Variants in F13A1 observed in about 807,000 individuals in gnomAD.
The protein encoded by F13A1 is FSF, A subunit.
F13A1 carries 47 observed loss-of-function variants against 80.1 expected under a neutral mutation model. That is an observed-to-expected ratio of 0.59 (90% CI 0.46 to 0.75). F13A1 has a LOEUF of 0.75. Ranked by LOEUF, F13A1 falls within the 30% of genes least tolerant of loss-of-function variation. F13A1 has a pLI of 0.00. For missense variants in F13A1, 817 were observed against 930.4 expected, an observed-to-expected ratio of 0.88 and a Z score of 1.59; for synonymous variants, 349 against 344.9, an observed-to-expected ratio of 1.01 and a Z score of -0.13.
chr6:6,145,645 G>A lies in F13A1; in HGVS notation c.2173C>T (p.Gln725Ter). 1 of 1,614,132 alleles carries A rather than the reference G, an allele frequency of 6.2e-7. No individual in the cohort carries two copies. Among genetic ancestry groups the A allele is most frequent in the Non-Finnish European group, 8.5e-7 (1 of 1,180,002 alleles). Reference protein sequence around the residue: ...LRHVYGELDVQIQRRPSM With the variant: ...LRHVYGELDV ...CACATGGAAGGTCGTCTTTGAATCT[G>A]CACGTCCAGCTCGCCATACACATGT... Residue 725 changes from glutamine to a stop codon, truncating the protein, a stop_gained, in exon 15 of 15, where the codon CAG (glutamine) becomes TAG (stop). Coordinates refer to ENST00000264870, the MANE Select transcript of F13A1 (RefSeq NM_000129.4). LOFTEE classifies it high-confidence loss of function.
chr6:6,151,940 T>C lies in F13A1; in HGVS notation c.1918A>G (p.Thr640Ala), dbSNP rs1413856832. Residue 640 changes from threonine (T) to alanine (A), a missense_variant, in exon 14 of 15, where the codon ACT becomes GCT. Physicochemically the swap from Thr to Ala is moderately conservative, Grantham distance 58. Transcript: ENST00000264870. ...GTCATGTCAGAACCAACTACCTGAG[T>C]GCCACGGACCTAAGAGAGAGAATGC... Reference protein sequence around the residue: ...IPEIIIKVRGTQVVGSDMTVT... With the variant: ...IPEIIIKVRGAQVVGSDMTVT... 1 of 1,614,000 alleles carries C rather than the reference T, an allele frequency of 6.2e-7. No homozygotes were observed. The highest frequency in any genetic ancestry group is 1.7e-5 in the Admixed American group (1 of 59,988).
At chr6:6,195,621 A>C (rs188113391) in intron 10 of F13A1, among the ~76,000 whole-genome samples, 176 bp downstream of exon 10, 32 of 152,344 alleles carry the variant, frequency 2.1e-4, no homozygotes, top group South Asian at 6.2e-4. Flanking sequence ...AATGTTAAAC[A>C]AGAACTGCAT....
intron 10 of F13A1, among the ~76,000 whole-genome samples, chr6:6,190,679 TTGTC>T (rs1583063595): frequency 6.6e-6 from 1 of 151,738 alleles, no homozygotes; most frequent in African/African-American, 2.4e-5. Context: ...GTCTTTTTGT[TTGTC>T]TGTGCCCTGC....
chr6:6,168,935 G>T lies in F13A1; in HGVS notation c.1748-1317C>A, dbSNP rs142577514. On this transcript the variant is annotated intron_variant, in intron 12 of 14. Coordinates refer to ENST00000264870, the MANE Select transcript of F13A1 (RefSeq NM_000129.4). Reference sequence around the variant, plus strand: ...TTGCTCTGGACCTTGAAGACCAAGAGGCTGGGAAAGCCTCTGTCTTGGGCA... The same window carrying T: ...TTGCTCTGGACCTTGAAGACCAAGATGCTGGGAAAGCCTCTGTCTTGGGCA... Among the ~76,000 whole-genome samples the T allele has an allele frequency of 3.5e-3, 531 of 152,330 alleles. 6 individuals carry two copies. The highest frequency in any genetic ancestry group is 0.011 in the African/African-American group (476 of 41,574).
intron 8 of F13A1, among the ~76,000 whole-genome samples, chr6:6,198,076 C>A (rs982738851): frequency 1.3e-5 from 2 of 152,136 alleles, no homozygotes; most frequent in African/African-American, 4.8e-5. Context: ...GCAAAAAATA[C>A]TTGTGTTTGT....
chr6:6,217,293 G>T (rs1237106714), intron 8 of F13A1, among the ~76,000 whole-genome samples: 1 of 152,038 alleles, frequency 6.6e-6, no homozygotes, highest in Admixed American at 6.6e-5. Context: ...GTCCACAAAT[G>T]ATAGACTGGA....
At chr6:6,191,930 G>C (rs1761208859) in intron 10 of F13A1, among the ~76,000 whole-genome samples, 1 of 152,220 alleles carries the variant, frequency 6.6e-6, no homozygotes, top group Non-Finnish European at 1.5e-5. Flanking sequence ...AGGGCAGATG[G>C]TGATATTTTA....
intron 6 of F13A1, among the ~76,000 whole-genome samples, chr6:6,245,026 C>T (rs1215514247): frequency 6.6e-6 from 1 of 152,012 alleles, no homozygotes; most frequent in African/African-American, 2.4e-5. Context: ...TGATTTTTAC[C>T]CCCAGTAGAC....
intron 6 of F13A1, among the ~76,000 whole-genome samples, chr6:6,241,050 A>G (rs1757477732): frequency 6.6e-6 from 1 of 152,156 alleles, no homozygotes; most frequent in African/African-American, 2.4e-5. Flanking sequence ...ATGCGTTACA[A>G]TTGGAAAGGT....
At chr6:6,316,289 A>G (rs1432498073) in intron 2 of F13A1, among the ~76,000 whole-genome samples, 2 of 151,272 alleles carry the variant, frequency 1.3e-5, no homozygotes, top group Admixed American at 1.3e-4. Context: ...TGTTATTAAT[A>G]ATAAATTATA....
intron 3 of F13A1, among the ~76,000 whole-genome samples, chr6:6,304,873 A>T (rs988038297): frequency 8.5e-5 from 13 of 152,142 alleles, no homozygotes; most frequent in Admixed American, 3.3e-4. Flanking sequence ...AAAAAAAAAA[A>T]AAAAAAAGGG....
chr6:6,196,616 CAT>C (rs1276424897), intron 9 of F13A1, among the ~76,000 whole-genome samples: 1 of 152,146 alleles, frequency 6.6e-6, no homozygotes, highest in South Asian at 2.1e-4. Flanking sequence ...AGGAAATAAA[CAT>C]AATATCCACA....
At chr6:6,190,215 C>T (rs1761160615) in intron 10 of F13A1, among the ~76,000 whole-genome samples, 1 of 152,220 alleles carries the variant, frequency 6.6e-6, no homozygotes, top group Non-Finnish European at 1.5e-5. Context: ...AAGCCTTCTT[C>T]TCTCAGCTCG....
At chr6:6,294,454 T>G (rs1758284402) in intron 3 of F13A1, among the ~76,000 whole-genome samples, 1 of 152,138 alleles carries the variant, frequency 6.6e-6, no homozygotes, top group Non-Finnish European at 1.5e-5. Flanking sequence ...GACAGCCTAT[T>G]GTGGGACCTT....
At chr6:6,167,321 T>G (rs1760691065) in intron 13 of F13A1, 137 bp downstream of exon 13, 8 of 935,264 alleles carry the variant, frequency 8.6e-6, no homozygotes, top group Non-Finnish European at 1.3e-5. Flanking sequence ...ATCCTAGCAC[T>G]GGTATTTTTT....
chr6:6,265,080 G>A (rs1757826022), intron 4 of F13A1, among the ~76,000 whole-genome samples: 1 of 152,170 alleles, frequency 6.6e-6, no homozygotes, highest in African/African-American at 2.4e-5. Flanking sequence ...GGACAACATA[G>A]TGACACCACG....
intron 11 of F13A1, among the ~76,000 whole-genome samples, chr6:6,177,304 C>G (rs1232608541): frequency 6.6e-6 from 1 of 152,204 alleles, no homozygotes; most frequent in Non-Finnish European, 1.5e-5. Flanking sequence ...TGTCCTCCCC[C>G]TCTTACCTTG....
Position 6,250,898 on chromosome 6 carries a change from T to TC in F13A1, c.602_603insG (p.Arg202LysfsTer8), listed in dbSNP as rs749501709. 6.2e-7 allele frequency: 1 copy of TC among 1,613,118 alleles called. No homozygotes were observed. The highest frequency in any genetic ancestry group is 2.2e-5 in the East Asian group (1 of 44,870). On this transcript the variant is annotated frameshift_variant, in exon 5 of 15. Coordinates refer to ENST00000264870, the MANE Select transcript of F13A1 (RefSeq NM_000129.4). LOFTEE classifies it high-confidence loss of function. This position sits in a 1 kb window ranked among gnomAD's most constrained non-coding sequence, Gnocchi z 4.2. Reference sequence around the variant, plus strand: ...TGTCATTCAGGACATACTCTTCTCTTTCTTTCTCATTGTCCAGATACACAG... The same window carrying TC: ...TGTCATTCAGGACATACTCTTCTCTTCTCTTTCTCATTGTCCAGATACACAG...
intron 3 of F13A1, among the ~76,000 whole-genome samples, chr6:6,288,124 G>C (rs1758164145): frequency 1.3e-5 from 2 of 152,098 alleles, no homozygotes; most frequent in Non-Finnish European, 2.9e-5. Context: ...ACCTTACATA[G>C]TTACCTTTCT....
Sources: allele counts gnomAD v4.1 joint callset (sites outside exome capture counted in the v4.1 genomes callset), GRCh38; gene constraint gnomAD v4.1.1; non-coding constraint Gnocchi (gnomAD v3.1); transcripts MANE v1.5; gene names NCBI Gene and HGNC (gene_info 2026-07-23, HGNC 2026-07-21).